TMEM117: variants seen among roughly 807,000 people sequenced by gnomAD.
TMEM117 encodes the protein transmembrane protein 117.
TMEM117 carries 27 observed loss-of-function variants against 52.4 expected under a neutral mutation model. The observed-to-expected ratio is 0.51, with a 90% CI of 0.38 to 0.71. TMEM117 has a LOEUF of 0.71. Ranked by LOEUF, TMEM117 falls within the 30% of genes least tolerant of loss-of-function variation. TMEM117 has a pLI of 0.00. For synonymous variants in TMEM117, 215 were observed against 206.3 expected (o/e 1.04, Z -0.36); for missense variants, 556 against 630.5 (o/e 0.88, Z 1.26).
At position 44,386,598 on chromosome 12, in the gene TMEM117, G is replaced by A. The variant is rs370862085; in HGVS notation, c.899-1428G>A. On this transcript the variant is annotated intron_variant, in intron 7 of 7. Transcript: ENST00000266534. The stretch of plus-strand genomic sequence containing the variant: ...TTATCATGGTTTAGGCAAGGCTTTC[G>A]TGATGATAATTATAGCAATTACTGG... Among the ~76,000 whole-genome samples the A allele has an allele frequency of 3.9e-5, 6 of 151,992 alleles. No homozygotes were observed. In the East Asian group the frequency reaches 5.8e-4, roughly 15 times the overall value.
intron 3 of TMEM117, among the ~76,000 whole-genome samples, chr12:44,034,555 A>C (rs544616221): frequency 2.6e-5 from 4 of 152,342 alleles, no homozygotes; most frequent in Admixed American, 2.0e-4. Flanking sequence ...TGCAGAATTT[A>C]CAATTTTTGG....
At chr12:44,028,873 G>A (rs769259483) in intron 3 of TMEM117, among the ~76,000 whole-genome samples, 1 of 152,126 alleles carries the variant, frequency 6.6e-6, no homozygotes, top group Admixed American at 6.5e-5. Context: ...CTCCTTTCTT[G>A]TAACATCTTT....
rs563852465 is a variant in TMEM117 at position 43,871,060 on chromosome 12, C to T, written c.277+26132C>T. Among the ~76,000 whole-genome samples the T allele has an allele frequency of 5.3e-5, 8 of 152,134 alleles. No homozygotes were observed. The South Asian group carries it at 1.2e-3, about 24-fold the overall frequency. Reference sequence around the variant, plus strand: ...TTGGCCTGTCATAGTGCTGGGATTACAGGCATGAGCCACTGCACCCAGCCT... The same window carrying T: ...TTGGCCTGTCATAGTGCTGGGATTATAGGCATGAGCCACTGCACCCAGCCT... On this transcript the variant is annotated intron_variant, in intron 2 of 7. Transcript: ENST00000266534.
At chr12:43,797,949 A>C in the TMEM117 span, 1 of 1,097,794 alleles carries the variant, frequency 9.1e-7, no homozygotes, top group Non-Finnish European at 1.3e-6. Flanking sequence ...ACCTATAATT[A>C]AAATTATTTT....
At chr12:44,357,559 A>T (rs1951667336) in intron 6 of TMEM117, among the ~76,000 whole-genome samples, 1 of 152,098 alleles carries the variant, frequency 6.6e-6, no homozygotes, top group Admixed American at 6.6e-5. Context: ...CAGAACTTTT[A>T]AAAATGGTAG....
At chr12:44,019,285 AG>A (rs1253139190) in intron 3 of TMEM117, among the ~76,000 whole-genome samples, 1 of 151,964 alleles carries the variant, frequency 6.6e-6, no homozygotes, top group Non-Finnish European at 1.5e-5. Context: ...CCTGTAGAGC[AG>A]GTTGCGCACT....
At chr12:44,370,673 A>G (rs1287738907) in intron 6 of TMEM117, among the ~76,000 whole-genome samples, 3 of 151,926 alleles carry the variant, frequency 2.0e-5, no homozygotes, top group Admixed American at 1.3e-4. Context: ...ATGAGCCACC[A>G]TGCCTGGCTA....
At chr12:44,045,223 C>T (rs888020927) in intron 3 of TMEM117, among the ~76,000 whole-genome samples, 1 of 152,172 alleles carries the variant, frequency 6.6e-6, no homozygotes, top group Non-Finnish European at 1.5e-5. Context: ...ACAACGACTT[C>T]CACTCACCAA....
intron 3 of TMEM117, among the ~76,000 whole-genome samples, chr12:44,076,985 T>C (rs1008679335): frequency 1.3e-5 from 2 of 152,164 alleles, no homozygotes; most frequent in African/African-American, 4.8e-5. Flanking sequence ...AGAAGAAATA[T>C]GCCATTTAAC....
At chr12:43,967,522 T>C (rs967825550) in intron 3 of TMEM117, among the ~76,000 whole-genome samples, 1 of 152,134 alleles carries the variant, frequency 6.6e-6, no homozygotes, top group Non-Finnish European at 1.5e-5. Flanking sequence ...TGCCACATTG[T>C]CTGTATGTCG....
chr12:43,816,531 C>T, the TMEM117 span, among the ~76,000 whole-genome samples: 1 of 152,200 alleles, frequency 6.6e-6, no homozygotes, highest in African/African-American at 2.4e-5. Flanking sequence ...CTGTCCGTTA[C>T]CTATGACTTT....
intron 2 of TMEM117, among the ~76,000 whole-genome samples, chr12:43,849,628 CTCTT>C (rs1370218268): frequency 6.6e-6 from 1 of 151,838 alleles, no homozygotes; most frequent in African/African-American, 2.4e-5. Context: ...AATTCTCTCT[CTCTT>C]TTTTTTTTAC....
intron 3 of TMEM117, among the ~76,000 whole-genome samples, chr12:43,999,114 T>C (rs1217384611): frequency 1.3e-5 from 2 of 152,192 alleles, no homozygotes; most frequent in African/African-American, 2.4e-5. Flanking sequence ...AAAAACACTT[T>C]GGCAGTTTAT....
intron 2 of TMEM117, among the ~76,000 whole-genome samples, chr12:43,893,654 T>G (rs754764336): frequency 9.2e-5 from 14 of 152,220 alleles, no homozygotes; most frequent in Non-Finnish European, 2.1e-4. Context: ...TGTTACCTGT[T>G]CTTCAAAACC....
At chr12:44,008,201 A>C (rs971689282) in intron 3 of TMEM117, among the ~76,000 whole-genome samples, 4 of 152,120 alleles carry the variant, frequency 2.6e-5, no homozygotes, top group Non-Finnish European at 1.5e-5. Flanking sequence ...TTTCTAACTT[A>C]GTAATTCTCT....
At chr12:44,177,894 C>T (rs1949137996) in intron 4 of TMEM117, among the ~76,000 whole-genome samples, 1 of 152,140 alleles carries the variant, frequency 6.6e-6, no homozygotes. Context: ...GAAAGTTTCT[C>T]CTTACAGTGA....
rs562214209 is a variant in TMEM117, at chr12:44,199,191, G to T, written c.511-12099G>T. On this transcript the variant is annotated intron_variant, in intron 4 of 7. Coordinates refer to ENST00000266534, the MANE Select transcript of TMEM117 (RefSeq NM_032256.3). ...GTATGTGAAGATGTCTCATTCTGAT[G>T]TTGGCTTTGGCTATTGGTAAATCAG... is the stretch of plus-strand genomic sequence containing the variant. Among the ~76,000 whole-genome samples, 130 of 152,114 alleles carry T rather than the reference G, an allele frequency of 8.5e-4. 1 individual carries two copies. The highest frequency in any genetic ancestry group is 2.7e-3 in the African/African-American group (113 of 41,490).
At chr12:44,083,415 T>TTA (rs1239646150) in intron 3 of TMEM117, among the ~76,000 whole-genome samples, 1 of 139,290 alleles carries the variant, frequency 7.2e-6, no homozygotes, top group Non-Finnish European at 1.5e-5. Context: ...TTTTTTTTTT[T>TTA]AGACATGGTT....
intron 2 of TMEM117, among the ~76,000 whole-genome samples, chr12:43,848,182 C>T (rs1215237027): frequency 6.6e-6 from 1 of 152,106 alleles, no homozygotes; most frequent in Non-Finnish European, 1.5e-5. Context: ...AGCAGAACCA[C>T]TGATAAGGGT....
Sources: gnomAD v4.1 joint callset for allele counts (sites outside exome capture counted in the v4.1 genomes callset) on GRCh38, gnomAD v4.1.1 for gene constraint, MANE v1.5 for transcripts, NCBI Gene and HGNC (gene_info 2026-07-23, HGNC 2026-07-21) for gene names.